Variants in CDK19 observed in about 807,000 individuals in gnomAD.
The protein encoded by CDK19 is cyclin dependent kinase 19, also known as cyclin-dependent kinase 19.
In CDK19, 20 loss-of-function variants were observed where a neutral mutation model predicts 68.3. That is an observed-to-expected ratio of 0.29 (90% CI 0.21 to 0.43). The LOEUF is 0.43. Among genes scored for constraint, CDK19 ranks in the 20% least tolerant of loss-of-function variants. CDK19 has a pLI of 1.00. For missense variants in CDK19, 339 were observed against 623.5 expected (o/e 0.54, Z 4.86); for synonymous variants, 221 against 222.8 (o/e 0.99, Z 0.07).
chr6:110,729,056 C>T (rs9400410), intron 2 of CDK19, among the ~76,000 whole-genome samples: 23,816 of 151,810 alleles, frequency 0.16, 2,087 homozygotes, highest in East Asian at 0.32. Context: ...TTTAATGAAC[C>T]CTATATGCCA....
chr6:110,650,106 T>C (rs1780870266), intron 4 of CDK19, among the ~76,000 whole-genome samples: 1 of 152,174 alleles, frequency 6.6e-6, no homozygotes, highest in Non-Finnish European at 1.5e-5. Context: ...TTAGAAGCAT[T>C]ATGTTGGGTG....
chr6:110,633,558 G>A (rs9487470), intron 5 of CDK19, among the ~76,000 whole-genome samples: 6,759 of 152,022 alleles, frequency 0.044, 190 homozygotes, highest in South Asian at 0.083. Context: ...GTTATAATTC[G>A]GCATTTAACA....
intron 2 of CDK19, among the ~76,000 whole-genome samples, chr6:110,712,874 G>A (rs1474120705): frequency 6.6e-6 from 1 of 152,110 alleles, no homozygotes; most frequent in African/African-American, 2.4e-5. Context: ...AGATGGCAGG[G>A]AAAGTGTAAA....
chr6:110,734,545 C>CTA (rs1777074999), intron 2 of CDK19, among the ~76,000 whole-genome samples: 1 of 149,876 alleles, frequency 6.7e-6, no homozygotes, highest in South Asian at 2.1e-4. Flanking sequence ...CTCTCTCTCT[C>CTA]TCTCTCTCTC....
chr6:110,800,150 C>T (rs534524891), intron 1 of CDK19, among the ~76,000 whole-genome samples: 2 of 152,228 alleles, frequency 1.3e-5, no homozygotes, highest in South Asian at 4.1e-4. Flanking sequence ...TTATTACAAA[C>T]ATTATACTTT....
Position 110,733,360 on chromosome 6 carries a change from T to C in CDK19, c.204+12766A>G, listed in dbSNP as rs576662296. On this transcript the variant is annotated intron_variant, in intron 2 of 12. Transcript: ENST00000368911. ...TGATCCACTCTCCTATGGCTGAACA[T>C]TTGGATTTTCCCTTGTTTGGGGCTA... is the stretch of plus-strand genomic sequence containing the variant. 5.9e-5 allele frequency among the ~76,000 whole-genome samples: 9 copies of C among 152,350 alleles called. No individual in the cohort carries two copies. The South Asian group carries it at 1.7e-3, about 28-fold the overall frequency.
rs922923969 is a variant in CDK19 at position 110,614,199 on chromosome 6, T to C, written c.*336A>G. On this transcript the variant is annotated 3_prime_UTR_variant, in exon 13 of 13. Coordinates refer to ENST00000368911, the MANE Select transcript of CDK19 (RefSeq NM_015076.5). ...AAAAGAGCTTTGAAAAGATAAACCA[T>C]AGTGATTGCTACAGCATGAGAAAGG... 3 of 193,242 alleles carry C rather than the reference T, an allele frequency of 1.6e-5. No individual in the cohort carries two copies. The highest frequency in any genetic ancestry group is 2.3e-5 in the African/African-American group (1 of 43,384). 12.0% of individuals were successfully genotyped at this position (193,242 alleles called of 1,614,324 possible). A position where few individuals can be genotyped will look rare whatever the true frequency, so the allele number is the denominator to read the frequency against.
At chr6:110,709,507 A>T (rs1285244538) in intron 2 of CDK19, among the ~76,000 whole-genome samples, 3 of 18,230 alleles carry the variant, frequency 1.6e-4, no homozygotes, top group African/African-American at 3.3e-4. Context: ...AAGTATAATT[A>T]AAAAAAAAAA....
At chr6:110,663,343 T>G (rs1162607818) in intron 4 of CDK19, among the ~76,000 whole-genome samples, 4 of 152,250 alleles carry the variant, frequency 2.6e-5, no homozygotes, top group Non-Finnish European at 4.4e-5. Context: ...AAGACCATAT[T>G]CATATTTCAT....
chr6:110,631,764 T>G (rs766317564), intron 6 of CDK19, among the ~76,000 whole-genome samples: 11 of 152,240 alleles, frequency 7.2e-5, no homozygotes, highest in Non-Finnish European at 1.5e-4. Context: ...AAATAAAATG[T>G]GCATGTTATT....
At position 110,621,371 on chromosome 6, in the gene CDK19, C is replaced by A; in HGVS notation, c.1111-1G>T. On this transcript the variant is annotated splice_acceptor_variant, in intron 11 of 12. Transcript: ENST00000368911. LOFTEE classifies it high-confidence loss of function. The surrounding 1 kb of genome is among the most constrained non-coding windows in gnomAD (Gnocchi z 5.4). Reference sequence around the variant, plus strand: ...GCTGGTTCTGCTGCTGTTGCTGATTCTTTTAAGGGGAAAAAAGCAAGCTTG... The same window carrying A: ...GCTGGTTCTGCTGCTGTTGCTGATTATTTTAAGGGGAAAAAAGCAAGCTTG... The A allele has an allele frequency of 3.9e-6, 6 of 1,532,396 alleles. No individual in the cohort carries two copies. Among genetic ancestry groups the A allele is most frequent in the Non-Finnish European group, 4.4e-6 (5 of 1,142,496 alleles). The allele number at this position is 1,532,396 out of a possible 1,614,324, so 94.9% of individuals were successfully genotyped here. A position where few individuals can be genotyped will look rare whatever the true frequency, so the allele number is the denominator to read the frequency against.
At chr6:110,629,431 G>A (rs2114687407) in intron 6 of CDK19, among the ~76,000 whole-genome samples, 1 of 152,168 alleles carries the variant, frequency 6.6e-6, no homozygotes, top group African/African-American at 2.4e-5. Context: ...AACCTCCACT[G>A]ATATCAAATG....
chr6:110,633,686 A>G (rs1310392502), intron 5 of CDK19, among the ~76,000 whole-genome samples: 1 of 152,234 alleles, frequency 6.6e-6, no homozygotes, highest in East Asian at 1.9e-4. Context: ...TAAATAACCA[A>G]CATCTTTTAT....
At chr6:110,674,560 A>T (rs1055186637) in intron 2 of CDK19, among the ~76,000 whole-genome samples, 1 of 152,230 alleles carries the variant, frequency 6.6e-6, no homozygotes, top group African/African-American at 2.4e-5. Flanking sequence ...GGATAGGGAG[A>T]AAGTTTTAGT....
intron 2 of CDK19, chr6:110,722,130 A>C (rs1192711210): frequency 6.6e-6 from 1 of 152,228 alleles, no homozygotes; most frequent in Admixed American, 6.5e-5. Flanking sequence ...CTCAATGGAA[A>C]ACTGTTTTAT....
intron 2 of CDK19, among the ~76,000 whole-genome samples, chr6:110,726,448 A>G (rs994940547): frequency 1.3e-5 from 2 of 152,160 alleles, no homozygotes; most frequent in East Asian, 1.9e-4. Context: ...ACTCAAGCCT[A>G]AAGAAAATGG....
intron 1 of CDK19, among the ~76,000 whole-genome samples, chr6:110,752,488 A>G (rs1358869289): frequency 6.6e-6 from 1 of 152,198 alleles, no homozygotes; most frequent in African/African-American, 2.4e-5. Flanking sequence ...TCTTCTTATT[A>G]ATGAATGATG....
intron 2 of CDK19, among the ~76,000 whole-genome samples, chr6:110,687,837 G>A (rs1326666680): frequency 6.6e-6 from 1 of 152,104 alleles, no homozygotes; most frequent in African/African-American, 2.4e-5. Flanking sequence ...CATAACTTTC[G>A]ATAATTTTGT....
chr6:110,628,076 T>C (rs765843842), intron 6 of CDK19, among the ~76,000 whole-genome samples: 45 of 152,094 alleles, frequency 3.0e-4, no homozygotes, highest in Admixed American at 7.2e-4. Context: ...CCGGGTGTGG[T>C]GGCACACGCC....
Sources: gnomAD v4.1 joint callset for allele counts (sites outside exome capture counted in the v4.1 genomes callset) on GRCh38, gnomAD v4.1.1 for gene constraint, Gnocchi (gnomAD v3.1) non-coding constraint, MANE v1.5 for transcripts, NCBI Gene and HGNC (gene_info 2026-07-23, HGNC 2026-07-21) for gene names.